SMYD3: variants seen among roughly 807,000 people sequenced by gnomAD.
SMYD3 encodes the protein SET and MYND domain containing 3, also known as histone-lysine N-methyltransferase SMYD3.
A neutral mutation model predicts 57.7 loss-of-function variants in SMYD3; 36 were observed. The ratio of observed to expected loss-of-function variants is 0.62; its 90% CI spans 0.48 to 0.82. The LOEUF (loss-of-function observed/expected upper bound fraction) is 0.82, where lower values mean the gene tolerates loss of function less well. SMYD3 is among the 40% of genes least tolerant of loss of function. The pLI, the probability that SMYD3 is intolerant of heterozygous loss-of-function variation, is 0.00. For missense variants in SMYD3, 515 were observed against 538.8 expected, an observed-to-expected ratio of 0.96 and a Z score of 0.44; for synonymous variants, 211 against 195.0, an observed-to-expected ratio of 1.08 and a Z score of -0.68.
chr1:246,436,089 T>G (rs1217489207), intron 1 of SMYD3, among the ~76,000 whole-genome samples: 1 of 151,414 alleles, frequency 6.6e-6, no homozygotes, highest in Non-Finnish European at 1.5e-5. Flanking sequence ...TTTCAGTGGG[T>G]AGTAGTTACA....
At chr1:245,835,565 C>G (rs2050068751) in intron 10 of SMYD3, among the ~76,000 whole-genome samples, 1 of 152,168 alleles carries the variant, frequency 6.6e-6, no homozygotes, top group South Asian at 2.1e-4. Context: ...AAATTAGTAA[C>G]AAACATGGAA....
intron 10 of SMYD3, among the ~76,000 whole-genome samples, chr1:245,816,489 C>T (rs2048807577): frequency 1.6e-5 from 2 of 124,540 alleles, no homozygotes; most frequent in South Asian, 5.5e-4. Flanking sequence ...AAGGTGCCAT[C>T]TATTATGAGA....
At chr1:246,081,682 C>T (rs1000889199) in intron 5 of SMYD3, among the ~76,000 whole-genome samples, 1 of 152,238 alleles carries the variant, frequency 6.6e-6, no homozygotes, top group African/African-American at 2.4e-5. Flanking sequence ...GCATGAGCCA[C>T]TGCACCCAGC....
chr1:246,091,442 A>G (rs911645071), intron 5 of SMYD3, among the ~76,000 whole-genome samples: 5 of 150,922 alleles, frequency 3.3e-5, no homozygotes, highest in Admixed American at 2.6e-4. Flanking sequence ...ACCCCTCTCT[A>G]TAGAGAGAGA....
At chr1:246,397,480 G>C (rs1490317102) in intron 1 of SMYD3, among the ~76,000 whole-genome samples, 1 of 152,110 alleles carries the variant, frequency 6.6e-6, no homozygotes, top group Non-Finnish European at 1.5e-5. Context: ...CCGAAGATAG[G>C]AGCTATTTTA....
At chr1:246,249,872 T>C (rs10924622) in intron 5 of SMYD3, among the ~76,000 whole-genome samples, 31,557 of 152,166 alleles carry the variant, frequency 0.21, 3,987 homozygotes, top group East Asian at 0.58. Context: ...TAGGTGATTT[T>C]GTACTGTTTA....
At chr1:246,304,718 T>C (rs2064951072) in intron 5 of SMYD3, among the ~76,000 whole-genome samples, 1 of 152,174 alleles carries the variant, frequency 6.6e-6, no homozygotes, top group East Asian at 1.9e-4. Context: ...TGCAGCCTAA[T>C]CGCTGTACAA....
chr1:246,420,245 GC>G (rs1444000208), intron 1 of SMYD3, among the ~76,000 whole-genome samples: 5 of 151,392 alleles, frequency 3.3e-5, no homozygotes, highest in Non-Finnish European at 7.4e-5. Flanking sequence ...TCAATAAGAA[GC>G]TAATACATAA....
At position 246,405,611 on chromosome 1, in the gene SMYD3, A is replaced by T. The variant is rs181913982; in HGVS notation, c.165-50517T>A. Among the ~76,000 whole-genome samples the T allele has an allele frequency of 2.0e-5, 3 of 152,224 alleles. No individual in the cohort carries two copies. In the East Asian group the frequency reaches 5.8e-4, roughly 29 times the overall value. On this transcript the variant is annotated intron_variant, in intron 1 of 11. Transcript: ENST00000490107. Reference sequence around the variant, plus strand: ...ATTGTTTACTGTCGCACAGCGATTAAAAGAATGGACTCTGAGGCCAGGTGC... The same window carrying T: ...ATTGTTTACTGTCGCACAGCGATTATAAGAATGGACTCTGAGGCCAGGTGC...
chr1:245,902,072 C>T (rs912130150), intron 8 of SMYD3, among the ~76,000 whole-genome samples: 1 of 152,146 alleles, frequency 6.6e-6, no homozygotes, highest in African/African-American at 2.4e-5. Context: ...CTGCCCTGGA[C>T]CCCAGAAGCC....
rs188644227 is a variant in SMYD3 at position 246,074,867 on chromosome 1, C to A, written c.532-144930G>T. 5.3e-5 allele frequency among the ~76,000 whole-genome samples: 8 copies of A among 151,390 alleles called. No individual in the cohort carries two copies. The East Asian group carries it at 1.6e-3, about 30-fold the overall frequency. On this transcript the variant is annotated intron_variant, in intron 5 of 11. Transcript: ENST00000490107. ...CAGTTGCTGCCCTTCACAGGGGTAA[C>A]AAAGTTGGAGCACACATCTGCCAAT...
At chr1:246,057,017 T>C (rs2060163541) in intron 5 of SMYD3, among the ~76,000 whole-genome samples, 1 of 152,160 alleles carries the variant, frequency 6.6e-6, no homozygotes, top group African/African-American at 2.4e-5. Flanking sequence ...ATTGTAACTA[T>C]CTGGGCACAG....
intron 5 of SMYD3, among the ~76,000 whole-genome samples, chr1:246,184,096 T>A (rs561838990): frequency 6.6e-6 from 1 of 152,286 alleles, no homozygotes; most frequent in African/African-American, 2.4e-5. Context: ...TCAGGTTGTA[T>A]TTTTCCCTAA....
intron 8 of SMYD3, among the ~76,000 whole-genome samples, chr1:245,877,461 A>T (rs2052548654): frequency 6.6e-6 from 1 of 152,236 alleles, no homozygotes; most frequent in Non-Finnish European, 1.5e-5. Flanking sequence ...TTTACGTGGA[A>T]AATACACTTG....
At chr1:245,763,678 G>A (rs528574117) in intron 11 of SMYD3, among the ~76,000 whole-genome samples, 7 of 152,286 alleles carry the variant, frequency 4.6e-5, no homozygotes, top group Middle Eastern at 3.4e-3. Context: ...ACTGTGTTCC[G>A]TGGGCAATGG....
At chr1:245,972,295 G>A (rs2058320853) in intron 5 of SMYD3, among the ~76,000 whole-genome samples, 1 of 152,190 alleles carries the variant, frequency 6.6e-6, no homozygotes, top group African/African-American at 2.4e-5. Flanking sequence ...CCATAAGCAA[G>A]TTAACATATG....
At chr1:246,029,626 C>G (rs867934783) in intron 5 of SMYD3, among the ~76,000 whole-genome samples, 2 of 149,040 alleles carry the variant, frequency 1.3e-5, no homozygotes, top group South Asian at 4.3e-4. Context: ...GAGCCAAGAT[C>G]CTACCACTGC....
intron 5 of SMYD3, among the ~76,000 whole-genome samples, chr1:246,243,525 A>G (rs2063652621): frequency 6.6e-6 from 1 of 150,662 alleles, no homozygotes; most frequent in South Asian, 2.1e-4. Flanking sequence ...TGGAAATCCT[A>G]TTAGAAAGAC....
At chr1:245,783,915 GT>G (rs1463433614) in intron 10 of SMYD3, among the ~76,000 whole-genome samples, 1 of 152,188 alleles carries the variant, frequency 6.6e-6, no homozygotes, top group Non-Finnish European at 1.5e-5. Flanking sequence ...GCCACACTGT[GT>G]TCATGCATTG....
Sources: gnomAD v4.1 joint callset for allele counts (sites outside exome capture counted in the v4.1 genomes callset) on GRCh38, gnomAD v4.1.1 for gene constraint, MANE v1.5 for transcripts, NCBI Gene and HGNC (gene_info 2026-07-23, HGNC 2026-07-21) for gene names.